DDX52: variants seen among roughly 807,000 people sequenced by gnomAD.
DDX52 encodes probable ATP-dependent RNA helicase DDX52.
Under a neutral mutation model 76.1 loss-of-function variants are expected in DDX52, and 59 were observed. The observed-to-expected ratio is 0.78, with a 90% CI of 0.63 to 0.96. The LOEUF (loss-of-function observed/expected upper bound fraction) is 0.96. DDX52 is among the 40% of genes least tolerant of loss of function. The probability of loss-of-function intolerance (pLI) is 0.00; values close to 1 mark genes in which losing one functional copy is unlikely to be tolerated. For missense variants in DDX52, 707 were observed against 703.9 expected (o/e 1.00, Z -0.05); for synonymous variants, 231 against 244.1 (o/e 0.95, Z 0.50).
intron 5 of DDX52, among the ~76,000 whole-genome samples, chr17:37,628,905 T>C (rs1339949112): frequency 1.3e-5 from 2 of 152,188 alleles, no homozygotes; most frequent in Non-Finnish European, 2.9e-5. Flanking sequence ...AACTAACCTA[T>C]TTTGTATTGT....
chr17:37,614,174 C>T lies in DDX52; in HGVS notation c.*122G>A. The T allele has an allele frequency of 1.0e-6, 1 of 996,022 alleles. No homozygotes were observed. The highest frequency in any genetic ancestry group is 1.5e-6 in the Non-Finnish European group (1 of 682,906). 61.7% of individuals were successfully genotyped at this position (996,022 alleles called of 1,614,324 possible). On this transcript the variant is annotated 3_prime_UTR_variant, in exon 15 of 15. Coordinates refer to ENST00000617633, the MANE Select transcript of DDX52 (RefSeq NM_007010.5). The stretch of plus-strand genomic sequence containing the variant: ...GATCATTTATCACCAGTCCCATGTA[C>T]TTGTAGTTGATTTCAAATGTTTGGT...
Position 37,642,033 on chromosome 17 carries a change from T to C in DDX52, c.286+77A>G. 3 of 1,569,882 alleles carry C rather than the reference T, an allele frequency of 1.9e-6. No individual in the cohort carries two copies. In the South Asian group the frequency reaches 3.5e-5, roughly 18 times the overall value. ...TGACAAATGACCTTATTGTCTGACTTGTAGCCATAAGCCTGTATTATTTTT... is the reference window on the plus strand; with the variant it reads ...TGACAAATGACCTTATTGTCTGACTCGTAGCCATAAGCCTGTATTATTTTT... On this transcript the variant is annotated intron_variant, in intron 2 of 14. Coordinates refer to ENST00000617633, the MANE Select transcript of DDX52 (RefSeq NM_007010.5).
chr17:37,629,907 A>C (rs1323488704), intron 5 of DDX52, 123 bp downstream of exon 5: 12 of 1,336,576 alleles, frequency 9.0e-6, no homozygotes, highest in Non-Finnish European at 1.0e-5. Context: ...TGCTGTGTAG[A>C]GGATACTTGA....
In DDX52 at chr17:37,628,603, C is replaced by T; in HGVS notation, c.817G>A (p.Val273Met). 6.2e-7 allele frequency: 1 copy of T among 1,612,848 alleles called. No homozygotes were observed. Among genetic ancestry groups the T allele is most frequent in the Non-Finnish European group, 8.5e-7 (1 of 1,179,652 alleles). The change falls in exon 6 of 15, where the codon GTG (valine) becomes ATG (methionine). Residue 273 changes from valine (V) to methionine (M), a missense_variant. Val to Met is a conservative substitution (Grantham distance 21). Coordinates refer to ENST00000617633, the MANE Select transcript of DDX52 (RefSeq NM_007010.5). ...FRIHMIHKAA[V>M]AAKKFGPKSS... ...TTAGGTCCAAATTTCTTGGCTGCCA[C>T]TGCTGCTTTGTGGATCATGTGTATT...
Position 37,618,333 on chromosome 17 carries a change from A to C in DDX52, c.1701T>G (p.Ser567Arg). 6.3e-7 allele frequency: 1 copy of C among 1,597,322 alleles called. No homozygotes were observed. Among genetic ancestry groups the C allele is most frequent in the Non-Finnish European group, 8.5e-7 (1 of 1,175,344 alleles). The change falls in exon 14 of 15, where the codon AGT becomes AGG. Residue 567 changes from serine to arginine, a missense_variant. Physicochemically the swap from Ser to Arg is moderately radical, Grantham distance 110. Coordinates refer to ENST00000617633, the MANE Select transcript of DDX52 (RefSeq NM_007010.5). Reference protein sequence around the residue: ...IKKPLERESISTTPKCFLEKA... With the variant: ...IKKPLERESIRTTPKCFLEKA... ...TTTCTAAGAAACATTTTGGAGTTGTACTAATGCTCTCCCTTTCCAATGGTT... is the reference window on the plus strand; with the variant it reads ...TTTCTAAGAAACATTTTGGAGTTGTCCTAATGCTCTCCCTTTCCAATGGTT...
At chr17:37,617,764 A>AATT (rs1478106199) in intron 14 of DDX52, among the ~76,000 whole-genome samples, 1 of 152,220 alleles carries the variant, frequency 6.6e-6, no homozygotes, top group African/African-American at 2.4e-5. Context: ...AGAGAATTGA[A>AATT]ATAATATTTT....
At chr17:37,626,193 CTA>C in intron 7 of DDX52, 95 bp from the exon 8 acceptor site, 1 of 1,277,502 alleles carries the variant, frequency 7.8e-7, no homozygotes, top group Non-Finnish European at 1.1e-6. Flanking sequence ...GGAAGTCAAA[CTA>C]TAATGCTGCT....
chr17:37,620,819 T>C, intron 12 of DDX52, 54 bp downstream of exon 12: 1 of 1,496,562 alleles, frequency 6.7e-7, no homozygotes, highest in Non-Finnish European at 9.0e-7. Context: ...AATATACATA[T>C]AAGAATAATG....
intron 9 of DDX52, among the ~76,000 whole-genome samples, chr17:37,622,225 C>T (rs564718076): frequency 1.3e-5 from 2 of 152,012 alleles, no homozygotes; most frequent in Non-Finnish European, 2.9e-5. Flanking sequence ...TACATTTACA[C>T]TATCAAACCC....
At position 37,611,043 on chromosome 17, in the gene DDX52, G is replaced by A. The variant is rs1226592708; in HGVS notation, c.*3253C>T. The A allele has an allele frequency of 6.6e-6, 1 of 152,138 alleles. No homozygotes were observed. The highest frequency in any genetic ancestry group is 2.4e-5 in the African/African-American group (1 of 41,410). The allele number at this position is 152,138 out of a possible 1,614,324, so 9.4% of individuals were successfully genotyped here. A position where few individuals can be genotyped will look rare whatever the true frequency, so the allele number is the denominator to read the frequency against. On this transcript the variant is annotated 3_prime_UTR_variant, in exon 15 of 15. Transcript: ENST00000617633. ...CTCAGTTTGTCCTGGAATCCTTTTT[G>A]TTCCTCTTCTTTGCCTATTGGTTTT...
intron 5 of DDX52, among the ~76,000 whole-genome samples, chr17:37,629,003 A>C (rs1196858946): frequency 4.6e-5 from 7 of 152,156 alleles, no homozygotes; most frequent in African/African-American, 1.2e-4. Flanking sequence ...GGATCACTTG[A>C]GGCCAGGAGT....
chr17:37,617,940 G>A (rs1293152439), intron 14 of DDX52, among the ~76,000 whole-genome samples: 4 of 151,912 alleles, frequency 2.6e-5, no homozygotes, highest in Admixed American at 1.3e-4. Context: ...GTGAAACTCC[G>A]TGTCTAATAA....
chr17:37,643,135 T>C (rs2031277263), intron 1 of DDX52, 199 bp downstream of exon 1: 2 of 492,168 alleles, frequency 4.1e-6, no homozygotes, highest in Non-Finnish European at 3.6e-6. Context: ...TACAACAGGA[T>C]AGTTAAAGAG....
At chr17:37,632,013 G>A in intron 4 of DDX52, 100 bp downstream of exon 4, 2 of 1,522,192 alleles carry the variant, frequency 1.3e-6, no homozygotes, top group Non-Finnish European at 1.8e-6. Flanking sequence ...TTTTAACAGG[G>A]GAGATAAGGT....
chr17:37,637,537 G>A (rs1395839312), intron 2 of DDX52, among the ~76,000 whole-genome samples: 1 of 152,048 alleles, frequency 6.6e-6, no homozygotes, highest in Admixed American at 6.6e-5. Context: ...TGGCATTATA[G>A]GTGAGCCACT....
chr17:37,639,060 C>T (rs1339963312), intron 2 of DDX52, among the ~76,000 whole-genome samples: 1 of 152,086 alleles, frequency 6.6e-6, no homozygotes, highest in Non-Finnish European at 1.5e-5. Context: ...AAGTGAGCCA[C>T]TGCACCCAGC....
intron 2 of DDX52, among the ~76,000 whole-genome samples, chr17:37,640,685 A>G (rs2031149151): frequency 8.1e-6 from 1 of 123,836 alleles, no homozygotes; most frequent in South Asian, 3.0e-4. Context: ...AGTACAGTAC[A>G]AGAAAAAAAA....
At chr17:37,627,363 C>T (rs1309068815) in intron 6 of DDX52, among the ~76,000 whole-genome samples, 1 of 152,128 alleles carries the variant, frequency 6.6e-6, no homozygotes, top group African/African-American at 2.4e-5. Flanking sequence ...GCGCCCGCCA[C>T]CACGCCCAGC....
At chr17:37,637,577 T>C (rs150838902) in intron 2 of DDX52, among the ~76,000 whole-genome samples, 111 of 152,114 alleles carry the variant, frequency 7.3e-4, no homozygotes, top group African/African-American at 2.7e-3. Context: ...ATTCTTTGTT[T>C]TGTTGTTTGT....
Sources: allele counts gnomAD v4.1 joint callset (sites outside exome capture counted in the v4.1 genomes callset), GRCh38; gene constraint gnomAD v4.1.1; transcripts MANE v1.5; gene names NCBI Gene and HGNC (gene_info 2026-07-23, HGNC 2026-07-21).